ARFGEF1: variants seen among roughly 807,000 people sequenced by gnomAD.
ARFGEF1 encodes the protein brefeldin A-inhibited guanine nucleotide-exchange protein 1.
A neutral mutation model predicts 231.0 loss-of-function variants in ARFGEF1; 42 were observed. That is an observed-to-expected ratio of 0.18 (90% CI 0.14 to 0.24). The LOEUF is 0.24. Ranked by LOEUF, ARFGEF1 falls within the 10% of genes least tolerant of loss-of-function variation. The pLI is 1.00. For missense variants in ARFGEF1, 1,345 were observed against 2,192.0 expected (o/e 0.61, Z 7.72); for synonymous variants, 710 against 732.3 (o/e 0.97, Z 0.49).
downstream of ARFGEF1, among the ~76,000 whole-genome samples, chr8:67,194,868 T>G (rs2129576409): frequency 6.6e-6 from 1 of 152,250 alleles, no homozygotes; most frequent in Middle Eastern, 3.4e-3. Flanking sequence ...AGATTAGGTG[T>G]TTTAAGAATG....
chr8:67,206,085 A>G (rs2129577494), intron 34 of ARFGEF1, among the ~76,000 whole-genome samples: 1 of 152,180 alleles, frequency 6.6e-6, no homozygotes, highest in East Asian at 1.9e-4. Context: ...TCTTATTTTC[A>G]AAGACATCCA....
Position 67,276,055 on chromosome 8 carries a change from G to A in ARFGEF1, c.1258C>T (p.Gln420Ter). 1 of 1,613,408 alleles carries A rather than the reference G, an allele frequency of 6.2e-7. No homozygotes were observed. Among genetic ancestry groups the A allele is most frequent in the Non-Finnish European group, 8.5e-7 (1 of 1,179,542 alleles). The change falls in exon 9 of 39, where the codon CAA becomes TAA. Residue 420 changes from glutamine to a stop codon, truncating the protein, a stop_gained. Transcript: ENST00000262215. LOFTEE classifies it high-confidence loss of function. ...SPGAKFSHIL[Q>*]KDAFLVFRSL... ...CTGAATACTAGAAAGGCATCCTTTT[G>A]TAAAATGTGGGAAAACTTAGCACCA...
chr8:67,300,977 CTTT>C (rs1467631996), intron 3 of ARFGEF1, among the ~76,000 whole-genome samples: 1 of 152,020 alleles, frequency 6.6e-6, no homozygotes, highest in Non-Finnish European at 1.5e-5. Flanking sequence ...CAAATCAACA[CTTT>C]TCATTATTGA....
chr8:67,187,153 TC>T (rs1834899604), intron 5 of ARFGEF1, among the ~76,000 whole-genome samples: 1 of 152,174 alleles, frequency 6.6e-6, no homozygotes, highest in Non-Finnish European at 1.5e-5. Flanking sequence ...CTCAACTTGA[TC>T]TATAGATTCA....
rs763468863 is a variant in ARFGEF1 at position 67,292,057 on chromosome 8, C to T, written c.706G>A (p.Val236Ile). The change falls in exon 6 of 39, where the codon GTA (valine) becomes ATA (isoleucine). Residue 236 changes from valine (V) to isoleucine (I), a missense_variant. By Grantham distance (29) the Val-to-Ile change is conservative. Around this residue, in one of 14 missense-constraint regions of ARFGEF1, gnomAD observed 398 missense variants for 463.2 expected, o/e 0.86. Transcript: ENST00000262215. ...RQHHHLLQSP[V>I]SHHEPESPQL... is the part of the protein sequence containing the mutation. Reference sequence around the variant, plus strand: ...GGTGATTCAGGCTCGTGATGGCTTACTGGAGACTGTAACAGATGATGATGC... The same window carrying T: ...GGTGATTCAGGCTCGTGATGGCTTATTGGAGACTGTAACAGATGATGATGC... The T allele has an allele frequency of 1.2e-6, 2 of 1,613,926 alleles. No homozygotes were observed. Among genetic ancestry groups the T allele is most frequent in the Non-Finnish European group, 1.7e-6 (2 of 1,179,886 alleles).
chr8:67,277,363 T>G lies in ARFGEF1; in HGVS notation c.1122A>C (p.Gly374=). The change falls in exon 8 of 39, where the codon GGA becomes GGC. Residue 374 remains glycine (G), a synonymous_variant. Coordinates refer to ENST00000262215, the MANE Select transcript of ARFGEF1 (RefSeq NM_006421.5). ...GSDSENIQAN[G]IPGTPISVAY... ...CAACAGAAATTGGTGTTCCTGGAATTCCATTTGCTTGAATATTTTCACTGT... is the reference window on the plus strand; with the variant it reads ...CAACAGAAATTGGTGTTCCTGGAATGCCATTTGCTTGAATATTTTCACTGT... The G allele has an allele frequency of 6.2e-7, 1 of 1,613,838 alleles. No individual in the cohort carries two copies.
intron 17 of ARFGEF1, among the ~76,000 whole-genome samples, chr8:67,254,495 AG>A (rs1407548066): frequency 1.9e-4 from 29 of 152,204 alleles, no homozygotes; most frequent in Admixed American, 6.5e-5. Flanking sequence ...TTTACATGAA[AG>A]TACACAGAAA....
In ARFGEF1 at chr8:67,232,857, A is replaced by G. The variant is rs746564920; in HGVS notation, c.3378T>C (p.Asp1126=). 1.2e-6 allele frequency: 2 copies of G among 1,600,180 alleles called. No homozygotes were observed. Among genetic ancestry groups the G allele is most frequent in the East Asian group, 2.2e-5 (1 of 44,512 alleles). Residue 1126 remains aspartate (D), a splice_region_variant and synonymous_variant, in exon 23 of 39, where the codon GAT becomes GAC. Coordinates refer to ENST00000262215, the MANE Select transcript of ARFGEF1 (RefSeq NM_006421.5). The part of the protein sequence containing the change: ...TSSQSVVVAV[D]RIFTGSTRLD... ...AGGGAATAAAATGAATACCTTACCTATCTACAGCAACAACAACACTCTGAG... is the reference window on the plus strand; with the variant it reads ...AGGGAATAAAATGAATACCTTACCTGTCTACAGCAACAACAACACTCTGAG...
At chr8:67,211,667 T>C in intron 33 of ARFGEF1, 52 bp from the exon 34 acceptor site, 1 of 1,152,156 alleles carries the variant, frequency 8.7e-7, no homozygotes. Context: ...AGTTTATGGG[T>C]GAAAATATTT....
intron 1 of ARFGEF1, among the ~76,000 whole-genome samples, chr8:67,327,925 C>A (rs1807914224): frequency 6.6e-6 from 1 of 151,972 alleles, no homozygotes; most frequent in Non-Finnish European, 1.5e-5. Flanking sequence ...GAGTTATTTT[C>A]ATTTTATTAA....
At chr8:67,258,052 C>G (rs746932329) in intron 16 of ARFGEF1, 33 bp downstream of exon 16, 2 of 1,564,392 alleles carry the variant, frequency 1.3e-6, no homozygotes, top group African/African-American at 1.4e-5. Flanking sequence ...TTGGATATAA[C>G]AGACAATCAA....
At chr8:67,334,101 A>G (rs1314476202) in intron 1 of ARFGEF1, among the ~76,000 whole-genome samples, 5 of 147,710 alleles carry the variant, frequency 3.4e-5, no homozygotes, top group Non-Finnish European at 7.4e-5. Context: ...GCACCACTGC[A>G]CTCCAGCCTG....
rs546168510 is a variant in ARFGEF1, at chr8:67,311,626, C to T, written c.125-9160G>A. On this transcript the variant is annotated intron_variant, in intron 1 of 38. Transcript: ENST00000262215. ...CGGGAGGGAGGTGGGGGGGTCAGCC[C>T]CCCCGCCCAGCCAGCCGCCCCGTCC... Among the ~76,000 whole-genome samples, 743 of 150,948 alleles carry T rather than the reference C, an allele frequency of 4.9e-3. 6 individuals are homozygous for T. The highest frequency in any genetic ancestry group is 0.017 in the African/African-American group (714 of 41,154).
chr8:67,181,028 TG>T (rs1267389240), intron 5 of ARFGEF1, among the ~76,000 whole-genome samples: 1 of 151,860 alleles, frequency 6.6e-6, no homozygotes. Context: ...TTTCTCTTAA[TG>T]GTTTTTTTTT....
At chr8:67,296,806 ACACC>A (rs1487185411) in intron 4 of ARFGEF1, among the ~76,000 whole-genome samples, 196 bp from the exon 5 acceptor site, 1 of 151,914 alleles carries the variant, frequency 6.6e-6, no homozygotes, top group African/African-American at 2.4e-5. Flanking sequence ...GAGCACCACC[ACACC>A]CGGCTAATTT....
At chr8:67,192,078 G>GTTTT (rs71249424) in intron 5 of ARFGEF1, among the ~76,000 whole-genome samples, 6 of 127,696 alleles carry the variant, frequency 4.7e-5, no homozygotes, top group Non-Finnish European at 4.9e-5. Flanking sequence ...TTTTTTTTTT[G>GTTTT]TTTTTTTTTT....
intron 5 of ARFGEF1, among the ~76,000 whole-genome samples, chr8:67,189,827 A>G (rs1383411643): frequency 6.6e-6 from 1 of 152,190 alleles, no homozygotes; most frequent in Non-Finnish European, 1.5e-5. Context: ...GTATTATTCT[A>G]ACTTTTCTTT....
downstream of ARFGEF1, chr8:67,173,538 A>C (rs1052068954): frequency 3.3e-5 from 5 of 152,170 alleles, no homozygotes; most frequent in African/African-American, 1.2e-4. Context: ...TCTGTTTATT[A>C]TAGCAAATTT....
intron 29 of ARFGEF1, among the ~76,000 whole-genome samples, chr8:67,222,227 A>ATATGTATGTATGTATG (rs35826179): frequency 1.6e-4 from 19 of 115,156 alleles, no homozygotes; most frequent in Non-Finnish European, 2.5e-4. Context: ...ATATATATGT[A>ATATGTATGTATGTATG]TATGTATGTA....
Sources: gnomAD v4.1 joint callset for allele counts (sites outside exome capture counted in the v4.1 genomes callset) on GRCh38, gnomAD v4.1.1 for gene constraint, gnomAD v4.1.1 regional missense constraint, MANE v1.5 for transcripts, NCBI Gene and HGNC (gene_info 2026-07-23, HGNC 2026-07-21) for gene names.